NUDT5: variants seen among roughly 807,000 people sequenced by gnomAD.
NUDT5 encodes the protein ADP-sugar pyrophosphatase.
NUDT5 carries 21 observed loss-of-function variants against 34.1 expected under a neutral mutation model. That is an observed-to-expected ratio of 0.62 (90% CI 0.44 to 0.89). The LOEUF is 0.89. Among genes scored for constraint, NUDT5 ranks in the 40% least tolerant of loss-of-function variants. NUDT5 has a pLI of 0.00. For synonymous variants in NUDT5, 85 were observed against 97.6 expected, an observed-to-expected ratio of 0.87 and a Z score of 0.76; for missense variants, 249 against 274.8, an observed-to-expected ratio of 0.91 and a Z score of 0.66.
Position 12,173,777 on chromosome 10 carries a change from G to C in NUDT5, c.326C>G (p.Ala109Gly). The change falls in exon 6 of 10, where the codon GCT becomes GGT. Residue 109 changes from alanine (A) to glycine (G), a missense_variant. Coordinates refer to ENST00000491614, the MANE Select transcript of NUDT5 (RefSeq NM_014142.4). The surrounding 1 kb of genome is among the most constrained non-coding windows in gnomAD (Gnocchi z 4.7). ...IDDGETPEAA[A>G]LRELEEETGY... Reference sequence around the variant, plus strand: ...AGTTTCTTCTTCAAGCTCCCGGAGAGCAGCTGCTTCTGGGGTTTCACCATC... The same window carrying C: ...AGTTTCTTCTTCAAGCTCCCGGAGACCAGCTGCTTCTGGGGTTTCACCATC... The C allele has an allele frequency of 6.2e-7, 1 of 1,614,020 alleles. No homozygotes were observed. Among genetic ancestry groups the C allele is most frequent in the Non-Finnish European group, 8.5e-7 (1 of 1,179,912 alleles).
rs750982065 is a variant in NUDT5 at position 12,177,803 on chromosome 10, C to G, written c.279G>C (p.Glu93Asp). 1 of 1,612,976 alleles carries G rather than the reference C, an allele frequency of 6.2e-7. No homozygotes were observed. Among genetic ancestry groups the G allele is most frequent in the Admixed American group, 1.7e-5 (1 of 60,022 alleles). The change falls in exon 5 of 10, where the codon GAG (glutamate) becomes GAC (aspartate). Residue 93 changes from glutamate to aspartate, a missense_variant. Transcript: ENST00000491614. ...TGTTGAGTGACTCACCTGCAGGGAA[C>G]TCTATGCAGTAGCCCCCCATTGGTG... is the stretch of plus-strand genomic sequence containing the variant. ...FRPPMGGYCI[E>D]FPAGLIDDGE...
At chr10:12,177,411 C>G (rs960710291) in intron 5 of NUDT5, among the ~76,000 whole-genome samples, 1 of 151,722 alleles carries the variant, frequency 6.6e-6, no homozygotes, top group Non-Finnish European at 1.5e-5. Context: ...CCCAGCCACT[C>G]GGGAGGCTGA....
intron 1 of NUDT5, among the ~76,000 whole-genome samples, chr10:12,188,527 T>G (rs899301352): frequency 2.0e-5 from 3 of 152,000 alleles, no homozygotes; most frequent in African/African-American, 7.2e-5. Context: ...GGTCAAGAGA[T>G]GGAGACCATC....
At chr10:12,174,264 TC>T (rs1044009457) in intron 5 of NUDT5, among the ~76,000 whole-genome samples, 2 of 146,168 alleles carry the variant, frequency 1.4e-5, no homozygotes, top group African/African-American at 5.1e-5. Flanking sequence ...GGATTGGAAC[TC>T]TTTTTTTTTT....
intron 4 of NUDT5, among the ~76,000 whole-genome samples, chr10:12,178,804 C>T (rs1275487994): frequency 1.3e-5 from 2 of 152,194 alleles, no homozygotes; most frequent in Non-Finnish European, 2.9e-5. Context: ...AGTCATAACA[C>T]GTCTAGACAC....
At chr10:12,183,662 C>A (rs1198564554) in intron 3 of NUDT5, among the ~76,000 whole-genome samples, 1 of 152,108 alleles carries the variant, frequency 6.6e-6, no homozygotes, top group Non-Finnish European at 1.5e-5. Context: ...ATAGTATTTT[C>A]TTCTTATAGT....
In NUDT5 at chr10:12,168,476, G is replaced by A. The variant is rs2131694813; in HGVS notation, c.551-665C>T. Among the ~76,000 whole-genome samples the A allele has an allele frequency of 6.6e-6, 1 of 152,278 alleles. No homozygotes were observed. The highest frequency in any genetic ancestry group is 1.5e-5 in the Non-Finnish European group (1 of 68,024). ...GGGATTCCATCTTTTCTGCTGCTAG[G>A]GGATACATATGTTCCCCCGGCAAGT... On this transcript the variant is annotated intron_variant, in intron 9 of 9. Coordinates refer to ENST00000491614, the MANE Select transcript of NUDT5 (RefSeq NM_014142.4). The surrounding 1 kb of genome is among the most constrained non-coding windows in gnomAD (Gnocchi z 4.8).
At chr10:12,189,611 T>G (rs1835189084) in intron 1 of NUDT5, among the ~76,000 whole-genome samples, 1 of 152,178 alleles carries the variant, frequency 6.6e-6, no homozygotes, top group African/African-American at 2.4e-5. Context: ...TAGCACCATT[T>G]CAAAAGCAGA....
chr10:12,172,528 C>T (rs986502168), intron 7 of NUDT5: 7 of 563,030 alleles, frequency 1.2e-5, no homozygotes, highest in Admixed American at 9.4e-5. Flanking sequence ...ATATAGAAAA[C>T]AGGGAAATAT....
Position 12,166,578 on chromosome 10 carries a change from A to G in NUDT5, c.*1124T>C, listed in dbSNP as rs529059259. 5.9e-6 allele frequency: 2 copies of G among 340,294 alleles called. No individual in the cohort carries two copies. Among genetic ancestry groups the G allele is most frequent in the Non-Finnish European group, 1.2e-5 (2 of 165,912 alleles). The allele number at this position is 340,294 out of a possible 1,614,324, so 21.1% of individuals were successfully genotyped here. On this transcript the variant is annotated 3_prime_UTR_variant, in exon 10 of 10. Transcript: ENST00000491614. ...GAGGCTACTGCAGCATTCTGGCATT[A>G]GCACTCTGATTTTATCTGGAGAGCC...
chr10:12,193,861 T>G lies in NUDT5; in HGVS notation c.-42+1909A>C, dbSNP rs192600595. On this transcript the variant is annotated intron_variant, in intron 1 of 9. Coordinates refer to ENST00000491614, the MANE Select transcript of NUDT5 (RefSeq NM_014142.4). ...TTAAAGCTTTGCAACTGCCTTAATC[T>G]CTACACTCTTTTTTTTTTTTTTCCC... Among the ~76,000 whole-genome samples the G allele has an allele frequency of 2.6e-5, 4 of 151,742 alleles. No individual in the cohort carries two copies. The South Asian group carries it at 6.2e-4, about 24-fold the overall frequency.
In NUDT5 at chr10:12,169,686, C is replaced by T. The variant is rs180978761; in HGVS notation, c.550+1031G>A. 19 of 227,206 alleles carry T rather than the reference C, an allele frequency of 8.4e-5. No individual in the cohort carries two copies. Among genetic ancestry groups the T allele is most frequent in the Admixed American group, 3.2e-4 (6 of 18,520 alleles). 14.1% of individuals were successfully genotyped at this position (227,206 alleles called of 1,614,324 possible). On this transcript the variant is annotated intron_variant, in intron 9 of 9. Transcript: ENST00000491614. This position sits in a 1 kb window ranked among gnomAD's most constrained non-coding sequence, Gnocchi z 4.8. Reference sequence around the variant, plus strand: ...AGGAGTGGAAGCTCTCTAAGGGATACGAAATCTGATTTTATCCAAAGAAAT... The same window carrying T: ...AGGAGTGGAAGCTCTCTAAGGGATATGAAATCTGATTTTATCCAAAGAAAT...
At position 12,169,098 on chromosome 10, in the gene NUDT5, G is replaced by A. The variant is rs1834787118; in HGVS notation, c.551-1287C>T. On this transcript the variant is annotated intron_variant, in intron 9 of 9. Transcript: ENST00000491614. The surrounding 1 kb of genome is among the most constrained non-coding windows in gnomAD (Gnocchi z 4.8). ...TCTTAAAATGTAATACTTTCCTTCC[G>A]ACTTCTCAAATGTTGCTGGTTGAAT... Among the ~76,000 whole-genome samples, 4 of 152,094 alleles carry A rather than the reference G, an allele frequency of 2.6e-5. No homozygotes were observed. The South Asian group carries it at 6.2e-4, about 24-fold the overall frequency.
At chr10:12,194,098 C>T (rs1169517653) in intron 1 of NUDT5, among the ~76,000 whole-genome samples, 1 of 152,238 alleles carries the variant, frequency 6.6e-6, no homozygotes, top group African/African-American at 2.4e-5. Context: ...GCTGGTCAAA[C>T]TCCTGACCTC....
chr10:12,193,300 T>C (rs1310172395), intron 1 of NUDT5, among the ~76,000 whole-genome samples: 16 of 152,068 alleles, frequency 1.1e-4, no homozygotes, highest in Non-Finnish European at 2.1e-4. Flanking sequence ...TACACGCTTG[T>C]TTGAGGTGAT....
At position 12,173,733 on chromosome 10, in the gene NUDT5, C is replaced by T; in HGVS notation, c.370G>A (p.Ala124Thr). Residue 124 changes from alanine (A) to threonine (T), a missense_variant, in exon 6 of 10, where the codon GCC becomes ACC. Coordinates refer to ENST00000491614, the MANE Select transcript of NUDT5 (RefSeq NM_014142.4). The surrounding 1 kb of genome is among the most constrained non-coding windows in gnomAD (Gnocchi z 4.7). ...CAATACCAACCTGGAGAACATTCGG[C>T]AATGTCCCCTTTGTAGCCAGTTTCT... is the stretch of plus-strand genomic sequence containing the variant. ...EEETGYKGDI[A>T]ECSPAVCMDP... The T allele has an allele frequency of 1.9e-6, 3 of 1,613,514 alleles. No individual in the cohort carries two copies. Among genetic ancestry groups the T allele is most frequent in the Non-Finnish European group, 2.5e-6 (3 of 1,179,442 alleles).
At chr10:12,188,765 G>A (rs1157055165) in intron 1 of NUDT5, among the ~76,000 whole-genome samples, 2 of 148,880 alleles carry the variant, frequency 1.3e-5, no homozygotes. Context: ...GGTGGTGAGA[G>A]GGACAAAGAC....
chr10:12,192,489 G>T (rs1248550204), intron 1 of NUDT5, among the ~76,000 whole-genome samples: 1 of 152,048 alleles, frequency 6.6e-6, no homozygotes, highest in Admixed American at 6.6e-5. Flanking sequence ...AAGGAACAAA[G>T]AATCAAATAA....
chr10:12,190,036 G>C (rs1053096177), intron 1 of NUDT5, among the ~76,000 whole-genome samples: 6 of 152,068 alleles, frequency 3.9e-5, no homozygotes, highest in Non-Finnish European at 8.8e-5. Flanking sequence ...TGGGATTACA[G>C]GTACCTGCCA....
Sources: gnomAD v4.1 joint callset for allele counts (sites outside exome capture counted in the v4.1 genomes callset) on GRCh38, gnomAD v4.1.1 for gene constraint, Gnocchi (gnomAD v3.1) non-coding constraint, MANE v1.5 for transcripts, NCBI Gene and HGNC (gene_info 2026-07-23, HGNC 2026-07-21) for gene names.